Variants in PRKN observed in about 807,000 individuals in gnomAD.
PRKN encodes parkin RBR E3 ubiquitin protein ligase, also known as E3 ubiquitin-protein ligase parkin.
In PRKN, 56 loss-of-function variants were observed where a neutral mutation model predicts 59.5. The ratio of observed to expected loss-of-function variants is 0.94; its 90% CI spans 0.76 to 1.18. The LOEUF (loss-of-function observed/expected upper bound fraction) is 1.18, where lower values mean the gene tolerates loss of function less well. Ranked by LOEUF, PRKN falls within the 50% of genes most tolerant of loss-of-function variation. PRKN has a pLI of 0.00. For missense variants in PRKN, 657 were observed against 596.4 expected (o/e 1.10, Z -1.06); for synonymous variants, 250 against 222.1 (o/e 1.13, Z -1.12).
intron 5 of PRKN, among the ~76,000 whole-genome samples, chr6:161,979,556 G>C (rs1447769661): frequency 6.6e-6 from 1 of 152,188 alleles, no homozygotes; most frequent in Non-Finnish European, 1.5e-5. Context: ...AAACAGGCAA[G>C]AGCCACTGCG....
intron 4 of PRKN, among the ~76,000 whole-genome samples, chr6:162,133,823 G>T (rs956353405): frequency 6.6e-6 from 1 of 152,148 alleles, no homozygotes; most frequent in African/African-American, 2.4e-5. Flanking sequence ...GTCATTTGGG[G>T]ATGTGAGGAT....
intron 1 of PRKN, among the ~76,000 whole-genome samples, chr6:162,482,092 G>A (rs569107332): frequency 3.3e-5 from 5 of 152,018 alleles, no homozygotes; most frequent in Non-Finnish European, 7.4e-5. Flanking sequence ...TCACTGCCCA[G>A]AATAACTATG....
chr6:161,570,412 C>G (rs976124882), intron 7 of PRKN, among the ~76,000 whole-genome samples: 4 of 149,252 alleles, frequency 2.7e-5, no homozygotes, highest in African/African-American at 7.4e-5. Context: ...GACCCTGGAA[C>G]AACATGGGCT....
intron 1 of PRKN, among the ~76,000 whole-genome samples, chr6:162,600,530 CTGATT>C (rs1194295916): frequency 4.6e-5 from 7 of 152,130 alleles, no homozygotes; most frequent in African/African-American, 7.2e-5. Context: ...AAACGCTGTT[CTGATT>C]TATTTTAATC....
chr6:162,174,933 C>T (rs928191496), intron 4 of PRKN, among the ~76,000 whole-genome samples: 2 of 152,196 alleles, frequency 1.3e-5, no homozygotes, highest in Non-Finnish European at 2.9e-5. Context: ...TATTGTGCTA[C>T]AGCTGGAGAA....
chr6:161,802,553 G>T (rs1198338588), intron 6 of PRKN, among the ~76,000 whole-genome samples: 1 of 151,794 alleles, frequency 6.6e-6, no homozygotes, highest in Non-Finnish European at 1.5e-5. Flanking sequence ...CCTCCTGTGC[G>T]AGCGTGCTTC....
chr6:162,466,661 G>A (rs1474837100), intron 1 of PRKN, among the ~76,000 whole-genome samples: 1 of 151,868 alleles, frequency 6.6e-6, no homozygotes, highest in Non-Finnish European at 1.5e-5. Flanking sequence ...TCCTGCATCG[G>A]TCTCCCAAAG....
chr6:161,805,478 A>ACACACACACACATG lies in PRKN; in HGVS notation c.735-19571_735-19570insCATGTGTGTGTGTG, dbSNP rs61442187. ...CACACACACACACACACACACACAC[A>ACACACACACACATG]CATGCATGTACACACACATGTACAC... On this transcript the variant is annotated intron_variant, in intron 6 of 11. Coordinates refer to ENST00000366898, the MANE Select transcript of PRKN (RefSeq NM_004562.3). Among the ~76,000 whole-genome samples, 827 of 149,452 alleles carry ACACACACACACATG rather than the reference A, an allele frequency of 5.5e-3. 9 individuals carry two copies. The highest frequency in any genetic ancestry group is 6.7e-3 in the African/African-American group (271 of 40,656).
intron 2 of PRKN, among the ~76,000 whole-genome samples, chr6:162,427,762 C>A (rs1333436408): frequency 6.6e-6 from 1 of 151,902 alleles, no homozygotes; most frequent in Non-Finnish European, 1.5e-5. Context: ...TCTCCTGCCT[C>A]AGCCTCCCGG....
chr6:161,389,561 C>T (rs1254114974), intron 9 of PRKN, among the ~76,000 whole-genome samples: 3 of 152,172 alleles, frequency 2.0e-5, no homozygotes, highest in South Asian at 2.1e-4. Flanking sequence ...GAACTAAAAG[C>T]GAATTCACTG....
At chr6:161,430,814 C>CAAAAAAAAA (rs35611748) in intron 9 of PRKN, among the ~76,000 whole-genome samples, 1 of 58,340 alleles carries the variant, frequency 1.7e-5, no homozygotes. Flanking sequence ...GACTCCGTCT[C>CAAAAAAAAA]AAAAAAAAAA....
At chr6:161,625,328 C>G (rs1358462126) in intron 7 of PRKN, among the ~76,000 whole-genome samples, 1 of 151,850 alleles carries the variant, frequency 6.6e-6, no homozygotes, top group African/African-American at 2.4e-5. Flanking sequence ...AAACCAAACA[C>G]CATGTGTTCT....
intron 4 of PRKN, among the ~76,000 whole-genome samples, chr6:162,110,237 T>A (rs1199341540): frequency 6.6e-6 from 1 of 152,186 alleles, no homozygotes; most frequent in Non-Finnish European, 1.5e-5. Context: ...TTCCTGAAGT[T>A]ATATGAATGA....
At chr6:162,075,500 T>G (rs2128292200) in intron 4 of PRKN, among the ~76,000 whole-genome samples, 1 of 152,172 alleles carries the variant, frequency 6.6e-6, no homozygotes, top group African/African-American at 2.4e-5. Context: ...ACAAATCACA[T>G]CGGATTATGG....
chr6:161,497,575 T>TCACACACACA lies in PRKN; in HGVS notation c.1083+51278_1083+51279insTGTGTGTGTG, dbSNP rs372106837. Reference sequence around the variant, plus strand: ...ACATGTCTCTCTCTCTCTCTCTCTCTCTCACACACACACACACACACACCA... The same window carrying TCACACACACA: ...ACATGTCTCTCTCTCTCTCTCTCTCTCACACACACACTCACACACACACACACACACACCA... On this transcript the variant is annotated intron_variant, in intron 9 of 11. Coordinates refer to ENST00000366898, the MANE Select transcript of PRKN (RefSeq NM_004562.3). The surrounding 1 kb of genome is among the most constrained non-coding windows in gnomAD (Gnocchi z 4.6). Among the ~76,000 whole-genome samples the TCACACACACA allele has an allele frequency of 7.2e-6, 1 of 139,518 alleles. No individual in the cohort carries two copies. Among genetic ancestry groups the TCACACACACA allele is most frequent in the African/African-American group, 2.9e-5 (1 of 34,170 alleles). The allele number at this position is 139,518 out of a possible 152,430, so 91.5% of individuals were successfully genotyped here.
chr6:161,469,319 G>C (rs958630870), intron 9 of PRKN, among the ~76,000 whole-genome samples: 1 of 152,146 alleles, frequency 6.6e-6, no homozygotes, highest in Non-Finnish European at 1.5e-5. Flanking sequence ...CCTGTGAAGA[G>C]GTGCCTTCCG....
intron 1 of PRKN, among the ~76,000 whole-genome samples, chr6:162,657,693 G>A (rs73597975): frequency 0.021 from 3,141 of 152,188 alleles, 112 homozygotes; most frequent in African/African-American, 0.07. Context: ...CTTTCTCATG[G>A]AAATCCACAC....
At chr6:162,317,914 A>G (rs911397335) in intron 2 of PRKN, among the ~76,000 whole-genome samples, 3 of 150,008 alleles carry the variant, frequency 2.0e-5, no homozygotes, top group Non-Finnish European at 4.4e-5. Context: ...TAACATGGTA[A>G]AATATATATA....
chr6:162,593,300 A>G (rs1430354503), intron 1 of PRKN, among the ~76,000 whole-genome samples: 2 of 152,212 alleles, frequency 1.3e-5, no homozygotes, highest in African/African-American at 4.8e-5. Flanking sequence ...TCACTAATCA[A>G]TGACAGGTGA....
Sources: gnomAD v4.1 joint callset for allele counts (sites outside exome capture counted in the v4.1 genomes callset) on GRCh38, gnomAD v4.1.1 for gene constraint, Gnocchi (gnomAD v3.1) non-coding constraint, MANE v1.5 for transcripts, NCBI Gene and HGNC (gene_info 2026-07-23, HGNC 2026-07-21) for gene names.